Variants in KIF13B observed in about 807,000 individuals in gnomAD.
KIF13B encodes the protein kinesin family member 13B, also known as kinesin-like protein KIF13B.
Under a neutral mutation model 222.0 loss-of-function variants are expected in KIF13B, and 127 were observed. The ratio of observed to expected loss-of-function variants is 0.57; its 90% confidence interval spans 0.50 to 0.66. KIF13B has a LOEUF of 0.66. KIF13B is among the 30% of genes least tolerant of loss of function. KIF13B has a pLI of 0.00. For missense variants in KIF13B, 2,173 were observed against 2,379.0 expected (o/e 0.91, Z 1.80); for synonymous variants, 976 against 919.0 (o/e 1.06, Z -1.12).
intron 2 of KIF13B, among the ~76,000 whole-genome samples, chr8:29,199,763 C>T (rs1406754695): frequency 6.6e-6 from 1 of 152,130 alleles, no homozygotes. Flanking sequence ...CTACGAATCA[C>T]ACATTAACCA....
At chr8:29,112,472 A>T (rs1809403262) in intron 32 of KIF13B, among the ~76,000 whole-genome samples, 1 of 151,566 alleles carries the variant, frequency 6.6e-6, no homozygotes, top group South Asian at 2.1e-4. Flanking sequence ...GTATTAAAAT[A>T]TACACTGTTC....
intron 2 of KIF13B, among the ~76,000 whole-genome samples, chr8:29,208,615 G>A (rs955056513): frequency 3.3e-5 from 5 of 152,224 alleles, no homozygotes; most frequent in Non-Finnish European, 5.9e-5. Context: ...CTAGGTCAGC[G>A]TTGGCTTGGG....
At position 29,194,653 on chromosome 8, in the gene KIF13B, C is replaced by T. The variant is rs149088245; in HGVS notation, c.162+1534G>A. On this transcript the variant is annotated intron_variant, in intron 3 of 39. Coordinates refer to ENST00000524189, the MANE Select transcript of KIF13B (RefSeq NM_015254.4). ...GGTCCTCTTTAAGGCTTAGCAATTT[C>T]GTAAATTATTATAGGTAACTTCCAG... is the stretch of plus-strand genomic sequence containing the variant. 4.9e-3 allele frequency among the ~76,000 whole-genome samples: 751 copies of T among 152,258 alleles called. 1 individual carries two copies. The highest frequency in any genetic ancestry group is 0.017 in the African/African-American group (702 of 41,550).
intron 21 of KIF13B, among the ~76,000 whole-genome samples, chr8:29,135,964 A>ATAATTT (rs58542851): frequency 0.82 from 124,796 of 151,444 alleles, 51,992 homozygotes; most frequent in Non-Finnish European, 0.87. Flanking sequence ...CACAAACCAG[A>ATAATTT]TATTTTCTTC....
intron 13 of KIF13B, among the ~76,000 whole-genome samples, chr8:29,156,063 G>A (rs757361009): frequency 9.9e-5 from 15 of 152,088 alleles, no homozygotes; most frequent in Non-Finnish European, 1.6e-4. Context: ...CCGCCTCCCA[G>A]GTTCAAGCGA....
At chr8:29,233,862 ATG>A (rs199651742) in intron 2 of KIF13B, among the ~76,000 whole-genome samples, 3 of 152,038 alleles carry the variant, frequency 2.0e-5, no homozygotes, top group Admixed American at 1.3e-4. Flanking sequence ...TCTGAAGTAC[ATG>A]TGTGTGTGTG....
intron 37 of KIF13B, among the ~76,000 whole-genome samples, chr8:29,078,859 G>A (rs542103663): frequency 4.9e-4 from 75 of 152,298 alleles, no homozygotes; most frequent in African/African-American, 1.7e-3. Context: ...TCTACTGAGC[G>A]TTGCTGAAAC....
At chr8:29,072,346 G>C (rs761567932) in intron 38 of KIF13B, 30 bp from the exon 39 acceptor site, 22 of 1,366,786 alleles carry the variant, frequency 1.6e-5, no homozygotes, top group Non-Finnish European at 2.1e-5. Context: ...CAGGGGCTGA[G>C]AACAGAAAAC....
chr8:29,113,405 G>C, intron 32 of KIF13B, 58 bp downstream of exon 32: 1 of 1,029,646 alleles, frequency 9.7e-7, no homozygotes, highest in Non-Finnish European at 1.5e-6. Flanking sequence ...TCACTTTTCA[G>C]GGAGTTGGCT....
intron 6 of KIF13B, among the ~76,000 whole-genome samples, chr8:29,184,327 A>G (rs1266191421): frequency 6.6e-6 from 1 of 152,172 alleles, no homozygotes; most frequent in African/African-American, 2.4e-5. Context: ...AACTAAAAAA[A>G]AAAAATTTCC....
intron 26 of KIF13B, 144 bp from the exon 27 acceptor site, chr8:29,124,267 T>A (rs555834112): frequency 3.5e-6 from 2 of 563,598 alleles, no homozygotes; most frequent in East Asian, 5.9e-5. Context: ...ACCAGTTGAC[T>A]GCGCCCATCT....
chr8:29,154,678 C>T (rs1160327622), intron 14 of KIF13B, among the ~76,000 whole-genome samples: 1 of 152,176 alleles, frequency 6.6e-6, no homozygotes, highest in Non-Finnish European at 1.5e-5. Flanking sequence ...ATGTTTTCAT[C>T]TGCACTTAAA....
chr8:29,160,966 T>C, intron 12 of KIF13B, 99 bp from the exon 13 acceptor site: 1 of 954,586 alleles, frequency 1.0e-6, no homozygotes, highest in Non-Finnish European at 1.6e-6. Flanking sequence ...AATAGTGTTG[T>C]AATTCAAATA....
intron 37 of KIF13B, among the ~76,000 whole-genome samples, chr8:29,079,264 T>TTCTA (rs1270165602): frequency 6.6e-6 from 1 of 152,210 alleles, no homozygotes; most frequent in Non-Finnish European, 1.5e-5. Flanking sequence ...ACCGATTCAT[T>TTCTA]TCTAAGTCTC....
rs190147601 is a variant in KIF13B at position 29,196,156 on chromosome 8, C to T, written c.162+31G>A. On this transcript the variant is annotated intron_variant, in intron 3 of 39. Coordinates refer to ENST00000524189, the MANE Select transcript of KIF13B (RefSeq NM_015254.4). Reference sequence around the variant, plus strand: ...CAACAACATGCATATAAGATCTTTACAAGCATCACATAACAAACCAAATCT... The same window carrying T: ...CAACAACATGCATATAAGATCTTTATAAGCATCACATAACAAACCAAATCT... The T allele has an allele frequency of 9.7e-6, 15 of 1,544,184 alleles. No homozygotes were observed. In the Admixed American group the frequency reaches 2.7e-4, roughly 28 times the overall value.
rs1807971505 is a variant in KIF13B, at chr8:29,084,817, T to C, written c.4458+7928A>G. On this transcript the variant is annotated intron_variant, in intron 37 of 39. Transcript: ENST00000524189. Reference sequence around the variant, plus strand: ...TTTATGTGCTGTCTGAGAAACACACTTGAATATGAGTACAGATTTCATTAA... The same window carrying C: ...TTTATGTGCTGTCTGAGAAACACACCTGAATATGAGTACAGATTTCATTAA... 2.0e-5 allele frequency among the ~76,000 whole-genome samples: 3 copies of C among 152,370 alleles called. No homozygotes were observed. In the South Asian group the frequency reaches 6.2e-4, roughly 32 times the overall value.
intron 26 of KIF13B, 102 bp from the exon 27 acceptor site, chr8:29,124,225 A>G (rs1032137206): frequency 1.9e-5 from 13 of 676,322 alleles, no homozygotes; most frequent in Admixed American, 5.7e-5. Context: ...TGGAAAGGTA[A>G]GGTAGTATAC....
Position 29,068,916 on chromosome 8 carries a change from C to A in KIF13B, c.*1588G>T, listed in dbSNP as rs1244348756. 1 of 152,218 alleles carries A rather than the reference C, an allele frequency of 6.6e-6. No homozygotes were observed. Among genetic ancestry groups the A allele is most frequent in the Non-Finnish European group, 1.5e-5 (1 of 68,058 alleles). The allele number at this position is 152,218 out of a possible 1,614,324, so 9.4% of individuals were successfully genotyped here. ...GAGAGCCCTGGAGGAGTGCCTCCCC[C>A]CAGGGGCCGGGCCCTCTGCCAGCCC... is the stretch of plus-strand genomic sequence containing the variant. On this transcript the variant is annotated 3_prime_UTR_variant, in exon 40 of 40. Transcript: ENST00000524189. This position sits in a 1 kb window ranked among gnomAD's most constrained non-coding sequence, Gnocchi z 4.4.
intron 22 of KIF13B, among the ~76,000 whole-genome samples, chr8:29,132,682 C>T (rs1201136326): frequency 2.0e-5 from 3 of 152,096 alleles, no homozygotes; most frequent in African/African-American, 7.2e-5. Context: ...TTTTTTTAAA[C>T]TTTTCAGATT....
Sources: allele counts gnomAD v4.1 joint callset (sites outside exome capture counted in the v4.1 genomes callset), GRCh38; gene constraint gnomAD v4.1.1; non-coding constraint Gnocchi (gnomAD v3.1); transcripts MANE v1.5; gene names NCBI Gene and HGNC (gene_info 2026-07-23, HGNC 2026-07-21).